Variants in OPCML observed in about 807,000 individuals in gnomAD.
OPCML encodes the protein opioid-binding protein/cell adhesion molecule.
In OPCML, 13 loss-of-function variants were observed where a neutral mutation model predicts 37.8. That is an observed-to-expected ratio of 0.34 (90% CI 0.22 to 0.55). The LOEUF (loss-of-function observed/expected upper bound fraction) is 0.55, where lower values mean the gene tolerates loss of function less well. OPCML is among the 20% of genes least tolerant of loss of function. The probability of loss-of-function intolerance (pLI) is 0.91; values close to 1 mark genes in which losing one functional copy is unlikely to be tolerated. For missense variants in OPCML, 341 were observed against 435.6 expected (o/e 0.78, Z 1.93); for synonymous variants, 176 against 168.8 (o/e 1.04, Z -0.33).
At chr11:132,932,836 C>T (rs1254308494) in intron 2 of OPCML, among the ~76,000 whole-genome samples, 1 of 151,912 alleles carries the variant, frequency 6.6e-6, no homozygotes, top group Non-Finnish European at 1.5e-5. Context: ...TGCCTCCCAT[C>T]AGCCCAGTGA....
intron 3 of OPCML, among the ~76,000 whole-genome samples, chr11:132,549,195 C>T (rs1189290645): frequency 6.6e-6 from 1 of 152,178 alleles, no homozygotes; most frequent in Non-Finnish European, 1.5e-5. Context: ...GACCTCTGGT[C>T]ACCCTCACTG....
chr11:132,719,317 G>T (rs1944598422), intron 2 of OPCML, among the ~76,000 whole-genome samples: 1 of 152,200 alleles, frequency 6.6e-6, no homozygotes, highest in Non-Finnish European at 1.5e-5. Flanking sequence ...CATATGTTTG[G>T]TTTTGGTTGG....
chr11:133,089,159 T>C (rs541620252), intron 1 of OPCML, among the ~76,000 whole-genome samples: 1 of 152,276 alleles, frequency 6.6e-6, no homozygotes, highest in South Asian at 2.1e-4. Context: ...CTGATAATAG[T>C]AAGTGAGCAG....
intron 1 of OPCML, among the ~76,000 whole-genome samples, chr11:133,387,400 T>C (rs1161437573): frequency 6.6e-6 from 1 of 152,192 alleles, no homozygotes; most frequent in Non-Finnish European, 1.5e-5. Context: ...ATTCTGGTCC[T>C]GACTTCTTGA....
At chr11:132,780,161 TA>T (rs1376848044) in intron 2 of OPCML, among the ~76,000 whole-genome samples, 2 of 152,150 alleles carry the variant, frequency 1.3e-5, no homozygotes, top group Non-Finnish European at 2.9e-5. Context: ...CAGTCAACAA[TA>T]AAGGGTCATG....
chr11:132,925,084 C>T (rs541147714), intron 2 of OPCML, among the ~76,000 whole-genome samples: 19 of 152,342 alleles, frequency 1.2e-4, no homozygotes, highest in African/African-American at 4.6e-4. Context: ...TTCTTCATTT[C>T]TGTAACAGTA....
intron 4 of OPCML, among the ~76,000 whole-genome samples, chr11:132,510,937 T>G (rs2096267473): frequency 1.3e-5 from 2 of 152,188 alleles, no homozygotes; most frequent in African/African-American, 4.8e-5. Flanking sequence ...AGTATTACAA[T>G]GTATTTTTAA....
intron 3 of OPCML, among the ~76,000 whole-genome samples, chr11:132,556,138 T>G (rs988724641): frequency 7.2e-5 from 11 of 152,018 alleles, no homozygotes; most frequent in African/African-American, 2.7e-4. Flanking sequence ...AGATAGGATA[T>G]TGCTGTGTTG....
At chr11:132,677,003 A>C (rs1942740173) in intron 2 of OPCML, among the ~76,000 whole-genome samples, 1 of 152,062 alleles carries the variant, frequency 6.6e-6, no homozygotes, top group Non-Finnish European at 1.5e-5. Flanking sequence ...AAAATATGAA[A>C]TAAATGACCA....
intron 1 of OPCML, among the ~76,000 whole-genome samples, chr11:133,457,101 A>G (rs977175773): frequency 6.6e-6 from 1 of 152,232 alleles, no homozygotes; most frequent in Non-Finnish European, 1.5e-5. Flanking sequence ...AGAATCTTGA[A>G]CAGAGCAAAA....
intron 1 of OPCML, among the ~76,000 whole-genome samples, chr11:133,495,696 T>C (rs973346345): frequency 6.6e-6 from 1 of 152,240 alleles, no homozygotes; most frequent in East Asian, 1.9e-4. Flanking sequence ...GCCATTTGTA[T>C]ATCTTCTTTT....
intron 2 of OPCML, among the ~76,000 whole-genome samples, chr11:132,688,644 G>C (rs1385820287): frequency 3.3e-5 from 5 of 152,046 alleles, no homozygotes; most frequent in African/African-American, 9.7e-5. Context: ...GTAGAACCAG[G>C]CTGCATTTTC....
At chr11:132,666,738 A>G (rs115066213) in intron 2 of OPCML, among the ~76,000 whole-genome samples, 1,976 of 152,304 alleles carry the variant, frequency 0.013, 31 homozygotes, top group African/African-American at 0.035. Context: ...TCTGGGATTG[A>G]GGTTGACTCA....
rs560079674 is a variant in OPCML at position 132,437,277 on chromosome 11, G to T, written c.588C>A (p.Ser196Arg). ...KRDQSGEYEC[S>R]ALNDVAAPDV... ...CGGGCGCAGCGACATCGTTCAACGC[G>T]CTGCATTCGTACTCCCCGGACTGGT... is the stretch of plus-strand genomic sequence containing the variant. The change falls in exon 5 of 8, where the codon AGC (serine) becomes AGA (arginine). Residue 196 changes from serine (S) to arginine (R), a missense_variant. Ser to Arg is a moderately radical substitution (Grantham distance 110). Coordinates refer to ENST00000524381, the MANE Select transcript of OPCML (RefSeq NM_001012393.5). 1 of 1,614,170 alleles carries T rather than the reference G, an allele frequency of 6.2e-7. No individual in the cohort carries two copies. The highest frequency in any genetic ancestry group is 8.5e-7 in the Non-Finnish European group (1 of 1,180,036).
chr11:133,350,954 C>T lies in OPCML; in HGVS notation c.61+181310G>A, dbSNP rs892649612. Among the ~76,000 whole-genome samples, 4 of 152,170 alleles carry T rather than the reference C, an allele frequency of 2.6e-5. No individual in the cohort carries two copies. In the East Asian group the frequency reaches 7.7e-4, roughly 29 times the overall value. On this transcript the variant is annotated intron_variant, in intron 1 of 7. Transcript: ENST00000524381. ...AGGCCAATGCAGAAAGGTGGAAGGGCTGTGAATGCACATGAGGAAGGAGTG... is the reference window on the plus strand; with the variant it reads ...AGGCCAATGCAGAAAGGTGGAAGGGTTGTGAATGCACATGAGGAAGGAGTG...
intron 2 of OPCML, among the ~76,000 whole-genome samples, chr11:132,796,577 T>C (rs1253477807): frequency 7.4e-6 from 1 of 134,348 alleles, no homozygotes; most frequent in African/African-American, 3.0e-5. Flanking sequence ...TTTTTTTTTT[T>C]TTTTTTTTTT....
Position 132,625,432 on chromosome 11 carries a change from G to A in OPCML, c.379+31655C>T, listed in dbSNP as rs142780505. Among the ~76,000 whole-genome samples, 533 of 152,124 alleles carry A rather than the reference G, an allele frequency of 3.5e-3. 1 individual carries two copies. The highest frequency in any genetic ancestry group is 6.0e-3 in the Admixed American group (91 of 15,272). ...CCTCCCTCTGTCAGCACTAATATCC[G>A]CCATGTTATACAGCCTCTAAGTCAC... is the stretch of plus-strand genomic sequence containing the variant. On this transcript the variant is annotated intron_variant, in intron 3 of 7. Coordinates refer to ENST00000524381, the MANE Select transcript of OPCML (RefSeq NM_001012393.5).
intron 2 of OPCML, among the ~76,000 whole-genome samples, chr11:132,906,576 T>TC (rs1944248713): frequency 6.6e-6 from 1 of 152,194 alleles, no homozygotes; most frequent in Non-Finnish European, 1.5e-5. Context: ...CAGAATTTCT[T>TC]CACAGGAAGC....
intron 2 of OPCML, among the ~76,000 whole-genome samples, chr11:132,694,068 TA>T (rs917635585): frequency 5.3e-5 from 8 of 151,506 alleles, no homozygotes; most frequent in African/African-American, 1.9e-4. Context: ...ATGTTCTTCC[TA>T]AAACCTCTCA....
Sources: gnomAD v4.1 joint callset for allele counts (sites outside exome capture counted in the v4.1 genomes callset) on GRCh38, gnomAD v4.1.1 for gene constraint, MANE v1.5 for transcripts, NCBI Gene and HGNC (gene_info 2026-07-23, HGNC 2026-07-21) for gene names.